Variants in TSNARE1 observed in about 807,000 individuals in gnomAD.
TSNARE1 encodes t-SNARE domain containing 1.
In TSNARE1, 49 loss-of-function variants were observed where a neutral mutation model predicts 62.0. That is an observed-to-expected ratio of 0.79 (90% CI 0.63 to 1.00). The LOEUF (loss-of-function observed/expected upper bound fraction) is 1.00, where lower values mean the gene tolerates loss of function less well. Ranked by LOEUF, TSNARE1 falls within the 50% of genes least tolerant of loss-of-function variation. The probability of loss-of-function intolerance (pLI) is 0.00; values close to 1 mark genes in which losing one functional copy is unlikely to be tolerated. For missense variants in TSNARE1, 755 were observed against 700.1 expected, an observed-to-expected ratio of 1.08 and a Z score of -0.88; for synonymous variants, 328 against 294.4, an observed-to-expected ratio of 1.11 and a Z score of -1.17.
At chr8:142,394,791 C>T (rs984329744) in intron 1 of TSNARE1, among the ~76,000 whole-genome samples, 10 of 152,302 alleles carry the variant, frequency 6.6e-5, no homozygotes, top group African/African-American at 2.2e-4. Flanking sequence ...GCAGCACTCC[C>T]CACGCCCCAG....
At chr8:142,284,526 G>A (rs772062522) in intron 10 of TSNARE1, 41 bp from the exon 11 acceptor site, 1 of 1,557,300 alleles carries the variant, frequency 6.4e-7, no homozygotes, top group Non-Finnish European at 8.8e-7. Flanking sequence ...GCAGGGCTGT[G>A]GGGCAGACAC....
Position 142,288,682 on chromosome 8 carries a change from G to A in TSNARE1, c.1291-4197C>T, listed in dbSNP as rs562438312. Among the ~76,000 whole-genome samples, 5 of 152,406 alleles carry A rather than the reference G, an allele frequency of 3.3e-5. No individual in the cohort carries two copies. In the South Asian group the frequency reaches 8.3e-4, roughly 25 times the overall value. The stretch of plus-strand genomic sequence containing the variant: ...CCGCAGACAGAGGAGCTGGTGGGGG[G>A]TGGGGGCATGTTCTCTGGGCTGGGG... On this transcript the variant is annotated intron_variant, in intron 10 of 13. Coordinates refer to ENST00000524325, the MANE Select transcript of TSNARE1 (RefSeq NM_145003.5).
chr8:142,257,666 C>G (rs1426857135), intron 12 of TSNARE1, among the ~76,000 whole-genome samples: 1 of 152,146 alleles, frequency 6.6e-6, no homozygotes, highest in Non-Finnish European at 1.5e-5. Context: ...CTCCAGGGGC[C>G]TGATAGGCAG....
chr8:142,340,246 A>T (rs1586900924), intron 4 of TSNARE1, among the ~76,000 whole-genome samples: 1 of 152,328 alleles, frequency 6.6e-6, no homozygotes, highest in African/African-American at 2.4e-5. Flanking sequence ...CCTCCTGTGC[A>T]CCAGCCCTGG....
At chr8:142,273,665 C>A (rs1234965574) in intron 12 of TSNARE1, 1 of 985,434 alleles carries the variant, frequency 1.0e-6, no homozygotes, top group Non-Finnish European at 1.2e-6. Context: ...GAGGCCCAAA[C>A]TGGGATCAGC....
intron 4 of TSNARE1, among the ~76,000 whole-genome samples, chr8:142,334,497 CA>C (rs1294510849): frequency 6.7e-6 from 1 of 149,820 alleles, no homozygotes; most frequent in Non-Finnish European, 1.5e-5. Context: ...GGGGGGGCAG[CA>C]GGGGGGACGG....
At chr8:142,368,423 T>C (rs1229797698) in intron 1 of TSNARE1, among the ~76,000 whole-genome samples, 2 of 151,920 alleles carry the variant, frequency 1.3e-5, no homozygotes, top group African/African-American at 4.8e-5. Context: ...ACTAGGAAGC[T>C]GGAGAGAGTG....
intron 1 of TSNARE1, among the ~76,000 whole-genome samples, chr8:142,365,602 G>GCGCACACACATGCACACGCGCACA (rs149020570): frequency 6.9e-6 from 1 of 144,404 alleles, no homozygotes; most frequent in African/African-American, 2.6e-5. Context: ...ACATGCACAC[G>GCGCACACACATGCACACGCGCACA]CACACACACA....
intron 7 of TSNARE1, among the ~76,000 whole-genome samples, chr8:142,317,283 T>C (rs1189829765): frequency 2.1e-5 from 3 of 144,676 alleles, no homozygotes; most frequent in South Asian, 2.2e-4. Flanking sequence ...GCTCACACTG[T>C]ACGCGTGAAG....
chr8:142,216,943 C>T (rs569130413), intron 13 of TSNARE1, among the ~76,000 whole-genome samples: 9 of 152,218 alleles, frequency 5.9e-5, no homozygotes, highest in Non-Finnish European at 1.2e-4. Context: ...GGTGAACAGT[C>T]GTGGAGAAAC....
At chr8:142,275,732 C>A (rs572832348) in intron 11 of TSNARE1, 1 of 985,454 alleles carries the variant, frequency 1.0e-6, no homozygotes, top group East Asian at 1.1e-4. Context: ...AGTATCTAAA[C>A]AAACTGTGCA....
intron 13 of TSNARE1, among the ~76,000 whole-genome samples, chr8:142,225,237 G>T (rs1816719925): frequency 6.6e-6 from 1 of 151,584 alleles, no homozygotes; most frequent in African/African-American, 2.4e-5. Flanking sequence ...CCTGCCCTTG[G>T]AATACTCCAC....
intron 10 of TSNARE1, among the ~76,000 whole-genome samples, chr8:142,295,348 C>G (rs933911823): frequency 6.6e-6 from 1 of 152,238 alleles, no homozygotes; most frequent in African/African-American, 2.4e-5. Flanking sequence ...CTGTGGCCTC[C>G]CCCACTGGGA....
intron 1 of TSNARE1, among the ~76,000 whole-genome samples, chr8:142,368,783 T>G (rs1587044597): frequency 1.3e-5 from 2 of 151,976 alleles, no homozygotes; most frequent in Non-Finnish European, 2.9e-5. Context: ...AGAATAAAAG[T>G]CCAAGCCTAT....
At chr8:142,217,009 C>T (rs1586741987) in intron 13 of TSNARE1, among the ~76,000 whole-genome samples, 1 of 151,916 alleles carries the variant, frequency 6.6e-6, no homozygotes, top group African/African-American at 2.4e-5. Context: ...TTTGGGAGGC[C>T]GAGGCAGGCA....
chr8:142,274,219 C>A (rs530701701), intron 12 of TSNARE1: 1 of 985,478 alleles, frequency 1.0e-6, no homozygotes, highest in Admixed American at 6.1e-5. Context: ...GCGGCTGGGC[C>A]TCCATCTCAG....
At chr8:142,270,484 A>G (rs1819428436) in intron 12 of TSNARE1, 1 of 477,484 alleles carries the variant, frequency 2.1e-6, no homozygotes. Flanking sequence ...ATATAGGCAT[A>G]TATATATATA....
intron 1 of TSNARE1, among the ~76,000 whole-genome samples, chr8:142,362,706 G>T (rs1485310168): frequency 1.3e-5 from 2 of 152,176 alleles, no homozygotes; most frequent in African/African-American, 4.8e-5. Flanking sequence ...ATGGTGACTG[G>T]ATTTCAATGA....
At chr8:142,278,336 T>C (rs1586970285) in intron 11 of TSNARE1, 1 of 985,462 alleles carries the variant, frequency 1.0e-6, no homozygotes, top group Admixed American at 6.1e-5. Flanking sequence ...CTGCCATGGC[T>C]GCCACTGGGG....
Sources: allele counts gnomAD v4.1 joint callset (sites outside exome capture counted in the v4.1 genomes callset), GRCh38; gene constraint gnomAD v4.1.1; transcripts MANE v1.5; gene names NCBI Gene and HGNC (gene_info 2026-07-23, HGNC 2026-07-21).